The following ASIC2 variants were observed in gnomAD, a reference collection of about 807,000 sequenced individuals.
ASIC2 encodes the protein acid-sensing ion channel 2.
Under a neutral mutation model 57.3 loss-of-function variants are expected in ASIC2, and 25 were observed. The ratio of observed to expected loss-of-function variants is 0.44; its 90% CI spans 0.32 to 0.61. ASIC2 has a LOEUF of 0.61. ASIC2 is among the 20% of genes least tolerant of loss of function. The pLI is 0.06. For synonymous variants in ASIC2, 319 were observed against 307.5 expected, an observed-to-expected ratio of 1.04 and a Z score of -0.39; for missense variants, 641 against 738.1, an observed-to-expected ratio of 0.87 and a Z score of 1.52.
chr17:33,376,864 C>G (rs1288971882), intron 1 of ASIC2, among the ~76,000 whole-genome samples: 6 of 152,194 alleles, frequency 3.9e-5, no homozygotes, highest in African/African-American at 1.4e-4. Context: ...GCCTTGGGCA[C>G]TCTTCTACAT....
intron 1 of ASIC2, among the ~76,000 whole-genome samples, chr17:33,579,337 C>A (rs28420477): frequency 1.1e-4 from 17 of 149,440 alleles, no homozygotes; most frequent in African/African-American, 2.5e-4. Flanking sequence ...TGGCTCAGGG[C>A]ACACTGGAAC....
chr17:33,732,747 C>T (rs938507313), intron 1 of ASIC2, among the ~76,000 whole-genome samples: 2 of 152,104 alleles, frequency 1.3e-5, no homozygotes, highest in Admixed American at 6.5e-5. Flanking sequence ...AAGTGATTCT[C>T]CTGCCTCAGC....
intron 1 of ASIC2, among the ~76,000 whole-genome samples, chr17:33,851,962 C>T (rs147205745): frequency 6.6e-5 from 10 of 152,228 alleles, no homozygotes; most frequent in African/African-American, 2.4e-4. Context: ...GTGCCTGCAA[C>T]CCCCAAGGCT....
chr17:33,580,696 C>T (rs950739571), intron 1 of ASIC2, among the ~76,000 whole-genome samples: 1 of 152,102 alleles, frequency 6.6e-6, no homozygotes, highest in Non-Finnish European at 1.5e-5. Context: ...CCTGGGGTCC[C>T]CAGGTACTTC....
rs1336326712 is a variant in ASIC2 at position 33,301,213 on chromosome 17, T to C, written c.556-189146A>G. Reference sequence around the variant, plus strand: ...CCTGGCTAATTTTTTTTTTTTTTTGTATTTTTTGGTAGAGATAGGGTTTCA... The same window carrying C: ...CCTGGCTAATTTTTTTTTTTTTTTGCATTTTTTGGTAGAGATAGGGTTTCA... On this transcript the variant is annotated intron_variant, in intron 1 of 9. Transcript: ENST00000359872. Among the ~76,000 whole-genome samples the C allele has an allele frequency of 3.4e-5, 5 of 149,208 alleles. 1 individual carries two copies. The highest frequency in any genetic ancestry group is 3.3e-4 in the Admixed American group (5 of 15,048).
intron 3 of ASIC2, among the ~76,000 whole-genome samples, chr17:33,054,268 T>G (rs965679308): frequency 1.1e-4 from 16 of 152,162 alleles, no homozygotes; most frequent in Admixed American, 1.0e-3. Flanking sequence ...GGTAGGTGAC[T>G]GATTACTCTT....
intron 1 of ASIC2, among the ~76,000 whole-genome samples, chr17:33,766,683 G>A (rs16968864): frequency 0.037 from 5,584 of 152,206 alleles, 319 homozygotes; most frequent in African/African-American, 0.12. Context: ...CTGAGGAGAT[G>A]ATTCTTAGCC....
intron 1 of ASIC2, among the ~76,000 whole-genome samples, chr17:33,678,866 C>T (rs1907911122): frequency 6.6e-6 from 1 of 152,128 alleles, no homozygotes; most frequent in Non-Finnish European, 1.5e-5. Context: ...CACTACCACC[C>T]TGGGAGACAA....
intron 1 of ASIC2, among the ~76,000 whole-genome samples, chr17:33,824,895 C>T (rs1247067513): frequency 6.6e-6 from 1 of 152,138 alleles, no homozygotes; most frequent in African/African-American, 2.4e-5. Flanking sequence ...TAGCCAGTCT[C>T]GGGTATGTCT....
chr17:33,702,689 A>G (rs1908741466), intron 1 of ASIC2, among the ~76,000 whole-genome samples: 1 of 152,206 alleles, frequency 6.6e-6, no homozygotes, highest in Non-Finnish European at 1.5e-5. Context: ...ACACAGAACA[A>G]ATGTCTTGAT....
At chr17:34,086,544 G>A (rs1910118668) in intron 1 of ASIC2, among the ~76,000 whole-genome samples, 1 of 152,134 alleles carries the variant, frequency 6.6e-6, no homozygotes, top group African/African-American at 2.4e-5. Context: ...TTCTGTAGAT[G>A]TCTATTAGGT....
At chr17:33,896,114 C>A (rs1274877466) in intron 1 of ASIC2, among the ~76,000 whole-genome samples, 1 of 152,166 alleles carries the variant, frequency 6.6e-6, no homozygotes, top group Non-Finnish European at 1.5e-5. Context: ...CCTTTAATTA[C>A]CTCTAGGCAA....
chr17:33,871,557 A>G (rs981403641), intron 1 of ASIC2, among the ~76,000 whole-genome samples: 3 of 152,050 alleles, frequency 2.0e-5, no homozygotes, highest in African/African-American at 7.2e-5. Flanking sequence ...GCTTTTCTCC[A>G]AGCATATACC....
At chr17:34,134,838 A>C (rs1912084467) in intron 1 of ASIC2, among the ~76,000 whole-genome samples, 1 of 152,092 alleles carries the variant, frequency 6.6e-6, no homozygotes, top group Non-Finnish European at 1.5e-5. Flanking sequence ...TGCACTCCTT[A>C]CTCTGAATCC....
At chr17:33,855,154 G>A (rs1213805895) in intron 1 of ASIC2, among the ~76,000 whole-genome samples, 1 of 152,148 alleles carries the variant, frequency 6.6e-6, no homozygotes, top group Non-Finnish European at 1.5e-5. Context: ...GCTGACACAC[G>A]AGGGAGATGA....
At chr17:33,209,956 G>C (rs9897132) in intron 1 of ASIC2, among the ~76,000 whole-genome samples, 2,766 of 152,252 alleles carry the variant, frequency 0.018, 89 homozygotes, top group African/African-American at 0.064. Context: ...TCCTGACTTG[G>C]TCTGTTTTGG....
chr17:33,014,231 G>C (rs964739641), intron 9 of ASIC2, among the ~76,000 whole-genome samples, 165 bp from the exon 10 acceptor site: 2 of 152,176 alleles, frequency 1.3e-5, no homozygotes, highest in African/African-American at 4.8e-5. Flanking sequence ...GCATGAGGCT[G>C]AATGGAATCC....
At chr17:33,373,604 T>C (rs987370026) in intron 1 of ASIC2, among the ~76,000 whole-genome samples, 2 of 152,218 alleles carry the variant, frequency 1.3e-5, no homozygotes, top group Non-Finnish European at 2.9e-5. Flanking sequence ...GTCATGTGGC[T>C]AGAGGTCACA....
chr17:33,193,235 G>T (rs1213336849), intron 1 of ASIC2, among the ~76,000 whole-genome samples: 1 of 152,218 alleles, frequency 6.6e-6, no homozygotes, highest in Non-Finnish European at 1.5e-5. Context: ...ACTTTCCCCA[G>T]GATGAATCCA....
Sources: allele counts gnomAD v4.1 joint callset (sites outside exome capture counted in the v4.1 genomes callset), GRCh38; gene constraint gnomAD v4.1.1; transcripts MANE v1.5; gene names NCBI Gene and HGNC (gene_info 2026-07-23, HGNC 2026-07-21).